PARD3: variants seen among roughly 807,000 people sequenced by gnomAD.
The protein encoded by PARD3 is par-3 family cell polarity regulator, also known as partitioning defective 3 homolog.
In PARD3, 75 loss-of-function variants were observed where a neutral mutation model predicts 155.4. The observed-to-expected ratio is 0.48, with a 90% CI of 0.40 to 0.58. PARD3 has a LOEUF of 0.58. PARD3 is among the 20% of genes least tolerant of loss of function. PARD3 has a pLI of 0.00. For missense variants in PARD3, 1,642 were observed against 1,721.7 expected, an observed-to-expected ratio of 0.95 and a Z score of 0.82; for synonymous variants, 576 against 610.5, an observed-to-expected ratio of 0.94 and a Z score of 0.83.
At chr10:34,384,096 G>T in intron 8 of PARD3, 33 bp downstream of exon 8, 1 of 1,604,716 alleles carries the variant, frequency 6.2e-7, no homozygotes. Context: ...CCTAATGCAA[G>T]TAAGAACAGA....
intron 1 of PARD3, among the ~76,000 whole-genome samples, chr10:34,773,209 A>G (rs768200804): frequency 1.3e-5 from 2 of 152,242 alleles, no homozygotes; most frequent in Non-Finnish European, 2.9e-5. Flanking sequence ...CCCACAACTA[A>G]TAACACTTAG....
At chr10:34,228,379 C>T (rs953207103) in intron 22 of PARD3, among the ~76,000 whole-genome samples, 13 of 151,932 alleles carry the variant, frequency 8.6e-5, no homozygotes, top group East Asian at 1.9e-4. Flanking sequence ...CAAACTTCCA[C>T]GTGTACCCCC....
At chr10:34,770,071 C>T in intron 1 of PARD3, among the ~76,000 whole-genome samples, 1 of 152,138 alleles carries the variant, frequency 6.6e-6, no homozygotes. Context: ...GATGGCCCTT[C>T]ATCCAAGACC....
At chr10:34,468,106 G>C (rs1028605984) in intron 4 of PARD3, among the ~76,000 whole-genome samples, 5 of 152,066 alleles carry the variant, frequency 3.3e-5, no homozygotes, top group African/African-American at 1.2e-4. Flanking sequence ...GCTCCGGTGG[G>C]AGGAGTTCAG....
At chr10:34,767,363 T>G (rs1403681687) in intron 1 of PARD3, among the ~76,000 whole-genome samples, 1 of 151,952 alleles carries the variant, frequency 6.6e-6, no homozygotes, top group South Asian at 2.1e-4. Context: ...ACCTGAGAAC[T>G]CGCCATGTTC....
chr10:34,198,016 C>T (rs1462613425), intron 22 of PARD3, among the ~76,000 whole-genome samples: 4 of 152,168 alleles, frequency 2.6e-5, no homozygotes, highest in Admixed American at 1.3e-4. Context: ...CATGAGCCAC[C>T]GCGCCCGGCC....
At chr10:34,245,282 G>A (rs11009689) in intron 22 of PARD3, among the ~76,000 whole-genome samples, 4 of 152,100 alleles carry the variant, frequency 2.6e-5, no homozygotes, top group Admixed American at 6.6e-5. Context: ...CATACGTAAC[G>A]GGGGTAGGAA....
At chr10:34,415,146 C>T (rs3851068) in intron 5 of PARD3, among the ~76,000 whole-genome samples, 37,410 of 151,988 alleles carry the variant, frequency 0.25, 5,679 homozygotes, top group East Asian at 0.44. Context: ...CAGGAGCGTG[C>T]TAATAAACAT....
In PARD3 at chr10:34,455,818, C is replaced by T. The variant is rs970018010; in HGVS notation, c.583-5370G>A. On this transcript the variant is annotated intron_variant, in intron 4 of 24. Coordinates refer to ENST00000374788, the MANE Select transcript of PARD3 (RefSeq NM_001184785.2). ...CATGTCTATTCCTAAGTATAATGAACCAACTAAAAAGCAATATTTGAAATC... is the reference window on the plus strand; with the variant it reads ...CATGTCTATTCCTAAGTATAATGAATCAACTAAAAAGCAATATTTGAAATC... 4.6e-5 allele frequency among the ~76,000 whole-genome samples: 7 copies of T among 152,050 alleles called. No individual in the cohort carries two copies. In the South Asian group the frequency reaches 1.2e-3, roughly 27 times the overall value.
At chr10:34,781,294 C>A (rs997173357) in intron 1 of PARD3, among the ~76,000 whole-genome samples, 1 of 152,340 alleles carries the variant, frequency 6.6e-6, no homozygotes, top group South Asian at 2.1e-4. Context: ...GCCCCTCTGA[C>A]CAGGACCCAT....
intron 2 of PARD3, among the ~76,000 whole-genome samples, chr10:34,640,192 T>G (rs1473254774): frequency 6.6e-6 from 1 of 152,200 alleles, no homozygotes; most frequent in Non-Finnish European, 1.5e-5. Flanking sequence ...ACAGCACACC[T>G]GCCCCATCCC....
chr10:34,449,110 G>T (rs1348716392), intron 5 of PARD3, among the ~76,000 whole-genome samples: 3 of 151,182 alleles, frequency 2.0e-5, no homozygotes, highest in Non-Finnish European at 4.4e-5. Flanking sequence ...GTTGAGACAG[G>T]GTTTCACCAT....
At chr10:34,700,605 T>A (rs2094256540) in intron 1 of PARD3, among the ~76,000 whole-genome samples, 3 of 151,954 alleles carry the variant, frequency 2.0e-5, no homozygotes, top group East Asian at 3.9e-4. Flanking sequence ...AAAAAAAAAA[T>A]TTGAGTATTT....
At chr10:34,391,929 G>A (rs1360830949) in intron 7 of PARD3, among the ~76,000 whole-genome samples, 3 of 152,214 alleles carry the variant, frequency 2.0e-5, no homozygotes, top group East Asian at 3.8e-4. Flanking sequence ...GCCGAGGTGG[G>A]TGGATCACTT....
intron 2 of PARD3, among the ~76,000 whole-genome samples, chr10:34,525,108 C>T (rs961938718): frequency 1.8e-4 from 28 of 152,032 alleles, no homozygotes; most frequent in Admixed American, 1.6e-3. Flanking sequence ...TTTAACTGGA[C>T]GAGTAAGCAA....
chr10:34,669,973 A>G (rs2093579135), intron 2 of PARD3, among the ~76,000 whole-genome samples: 2 of 152,248 alleles, frequency 1.3e-5, no homozygotes, highest in Non-Finnish European at 2.9e-5. Flanking sequence ...TGAAAAGGTC[A>G]TTCAAAGTTA....
At chr10:34,727,973 C>T (rs993190203) in intron 1 of PARD3, among the ~76,000 whole-genome samples, 2 of 151,960 alleles carry the variant, frequency 1.3e-5, no homozygotes, top group Non-Finnish European at 2.9e-5. Flanking sequence ...TTTCAGCACC[C>T]GATATCTGAC....
intron 5 of PARD3, among the ~76,000 whole-genome samples, chr10:34,445,767 T>C (rs1224204705): frequency 6.6e-6 from 1 of 151,456 alleles, no homozygotes; most frequent in Admixed American, 6.6e-5. Flanking sequence ...CCAATCTTTT[T>C]CTACCAATTT....
Position 34,565,006 on chromosome 10 carries a change from T to C in PARD3, c.223-47847A>G, listed in dbSNP as rs144591319. On this transcript the variant is annotated intron_variant, in intron 2 of 24. Transcript: ENST00000374788. ...AACTTGCCCAAGTGCACAGAACTAA[T>C]TAACTTCTGGAGCCAAGATCAGGCA... Among the ~76,000 whole-genome samples the C allele has an allele frequency of 2.4e-3, 360 of 152,160 alleles. 2 individuals are homozygous for C. Among genetic ancestry groups the C allele is most frequent in the Non-Finnish European group, 4.1e-3 (277 of 68,006 alleles).
Sources: gnomAD v4.1 joint callset for allele counts (sites outside exome capture counted in the v4.1 genomes callset) on GRCh38, gnomAD v4.1.1 for gene constraint, MANE v1.5 for transcripts, NCBI Gene and HGNC (gene_info 2026-07-23, HGNC 2026-07-21) for gene names.